Variants in HERC1 observed in about 807,000 individuals in gnomAD.
HERC1 encodes probable E3 ubiquitin-protein ligase HERC1.
A neutral mutation model predicts 554.3 loss-of-function variants in HERC1; 160 were observed. The observed-to-expected ratio is 0.29, with a 90% confidence interval of 0.25 to 0.33. HERC1 has a LOEUF of 0.33. HERC1 is among the 10% of genes least tolerant of loss of function. HERC1 has a pLI of 1.00. For missense variants in HERC1, 4,919 were observed against 5,918.5 expected (o/e 0.83, Z 5.54); for synonymous variants, 2,175 against 2,131.7 (o/e 1.02, Z -0.56).
intron 12 of HERC1, among the ~76,000 whole-genome samples, chr15:63,741,832 T>C (rs1192602332): frequency 2.6e-5 from 4 of 152,238 alleles, no homozygotes; most frequent in East Asian, 1.9e-4. Flanking sequence ...TTCTATTCCA[T>C]TGATCTATAT....
chr15:63,634,013 A>G, intron 66 of HERC1, 43 bp from the exon 67 acceptor site: 1 of 1,607,676 alleles, frequency 6.2e-7, no homozygotes, highest in Non-Finnish European at 8.5e-7. Context: ...CACAAGACCT[A>G]AAACACACTC....
At chr15:63,716,645 G>C (rs1208601466) in intron 21 of HERC1, among the ~76,000 whole-genome samples, 172 bp from the exon 22 acceptor site, 2 of 151,954 alleles carry the variant, frequency 1.3e-5, no homozygotes, top group Non-Finnish European at 2.9e-5. Flanking sequence ...TAGAAATAAT[G>C]TATGTACACA....
intron 12 of HERC1, among the ~76,000 whole-genome samples, chr15:63,744,059 G>C (rs565001370): frequency 6.0e-4 from 90 of 149,934 alleles, no homozygotes; most frequent in Non-Finnish European, 9.4e-4. Context: ...GAATTCTCTG[G>C]ATTATCAGGC....
chr15:63,745,174 G>T (rs1007763135), intron 12 of HERC1, among the ~76,000 whole-genome samples: 1 of 152,144 alleles, frequency 6.6e-6, no homozygotes, highest in African/African-American at 2.4e-5. Context: ...TGGAAGAAAG[G>T]GGTCTCTCTT....
chr15:63,639,264 T>C (rs1022199721), intron 61 of HERC1, among the ~76,000 whole-genome samples: 3 of 152,262 alleles, frequency 2.0e-5, no homozygotes, highest in Admixed American at 1.3e-4. Flanking sequence ...CTCTTAAGAT[T>C]ATAAAACCTT....
intron 25 of HERC1, 126 bp from the exon 26 acceptor site, chr15:63,699,122 G>A (rs1349710543): frequency 1.1e-5 from 9 of 788,776 alleles, no homozygotes; most frequent in South Asian, 7.9e-5. Flanking sequence ...GTTTGAATAC[G>A]CGCATGCATT....
chr15:63,614,218 A>G (rs1296374203), intron 76 of HERC1, among the ~76,000 whole-genome samples: 1 of 152,174 alleles, frequency 6.6e-6, no homozygotes, highest in African/African-American at 2.4e-5. Context: ...CAACCCTCAG[A>G]AGAAGGGTCA....
At chr15:63,624,027 G>T in intron 72 of HERC1, 131 bp downstream of exon 72, 1 of 1,225,278 alleles carries the variant, frequency 8.2e-7, no homozygotes, top group Non-Finnish European at 1.2e-6. Flanking sequence ...AACCACACCA[G>T]GTACTAATGT....
At chr15:63,804,770 A>T (rs1210718902) in intron 1 of HERC1, among the ~76,000 whole-genome samples, 3 of 152,242 alleles carry the variant, frequency 2.0e-5, no homozygotes, top group Non-Finnish European at 2.9e-5. Context: ...CTCAATTTTT[A>T]AAATGAGCAA....
chr15:63,652,608 G>A (rs2069755266), intron 51 of HERC1, 67 bp from the exon 52 acceptor site: 2 of 1,302,118 alleles, frequency 1.5e-6, no homozygotes, highest in East Asian at 2.6e-5. Context: ...TGAAAAAGTT[G>A]TATCCAATTT....
At chr15:63,708,442 C>A (rs867973901) in intron 24 of HERC1, among the ~76,000 whole-genome samples, 1 of 152,158 alleles carries the variant, frequency 6.6e-6, no homozygotes, top group Admixed American at 6.5e-5. Flanking sequence ...ATTCATTCAT[C>A]TAAATTATCC....
chr15:63,614,294 T>C (rs930955234), intron 76 of HERC1, among the ~76,000 whole-genome samples: 1 of 152,176 alleles, frequency 6.6e-6, no homozygotes, highest in African/African-American at 2.4e-5. Flanking sequence ...GGGCACTCAG[T>C]GCTTTCTTCT....
chr15:63,686,124 T>C (rs1386003884), intron 34 of HERC1, among the ~76,000 whole-genome samples: 1 of 152,172 alleles, frequency 6.6e-6, no homozygotes, highest in African/African-American at 2.4e-5. Flanking sequence ...TATAGCATGA[T>C]TTTAAACATC....
chr15:63,747,239 C>A (rs1403623829), intron 11 of HERC1, among the ~76,000 whole-genome samples, 156 bp from the exon 12 acceptor site: 6 of 152,058 alleles, frequency 3.9e-5, no homozygotes, highest in Admixed American at 2.0e-4. Context: ...GTGGGTGGAT[C>A]ACCTGAAGTC....
chr15:63,632,716 A>G lies in HERC1; in HGVS notation c.12789T>C (p.Phe4263=). 6.4e-7 allele frequency: 1 copy of G among 1,552,438 alleles called. No individual in the cohort carries two copies. Among genetic ancestry groups the G allele is most frequent in the East Asian group, 2.4e-5 (1 of 42,086 alleles). The part of the protein sequence containing the change: ...ALTKDGHVYT[F]GQDRLIGLPE... ...AGCTGAAAAATGTCTTACCTTGACC[A>G]AAGGTATACACATGACCATCTTTGG... Residue 4263 remains phenylalanine (F), a synonymous_variant, in exon 68 of 78, where the codon TTT becomes TTC. Coordinates refer to ENST00000443617, the MANE Select transcript of HERC1 (RefSeq NM_003922.4).
At chr15:63,755,431 A>C in intron 5 of HERC1, 106 bp from the exon 6 acceptor site, 1 of 862,874 alleles carries the variant, frequency 1.2e-6, no homozygotes, top group South Asian at 1.5e-5. Context: ...TTCACAACCC[A>C]TCCAGGAATT....
intron 70 of HERC1, among the ~76,000 whole-genome samples, chr15:63,626,938 T>C (rs2068326912): frequency 1.3e-5 from 2 of 152,186 alleles, no homozygotes; most frequent in Admixed American, 1.3e-4. Flanking sequence ...GCTATTATTA[T>C]CCTCATTTTA....
intron 14 of HERC1, among the ~76,000 whole-genome samples, chr15:63,731,866 G>C (rs2140999021): frequency 6.6e-6 from 1 of 152,244 alleles, no homozygotes; most frequent in South Asian, 2.1e-4. Context: ...AGGTTTCCTA[G>C]AATAGTCAAG....
At chr15:63,779,785 GTGGGAGGATCACGAGGTCAAGAGA>G (rs1307124604) in intron 1 of HERC1, 1 of 152,142 alleles carries the variant, frequency 6.6e-6, no homozygotes, top group African/African-American at 2.4e-5. Context: ...GGAGGTCGAG[GTGGGAGGATCACGAGGTCAAGAGA>G]TGGAGACCAT....
Sources: gnomAD v4.1 joint callset for allele counts (sites outside exome capture counted in the v4.1 genomes callset) on GRCh38, gnomAD v4.1.1 for gene constraint, MANE v1.5 for transcripts, NCBI Gene and HGNC (gene_info 2026-07-23, HGNC 2026-07-21) for gene names.